Variants in APLP2 observed in about 807,000 individuals in gnomAD.
APLP2 encodes CDEI box-binding protein.
In APLP2, 53 loss-of-function variants were observed where a neutral mutation model predicts 89.9. That is an observed-to-expected ratio of 0.59 (90% confidence interval 0.47 to 0.74). APLP2 has a LOEUF of 0.74. Ranked by LOEUF, APLP2 falls within the 30% of genes least tolerant of loss-of-function variation. The probability of loss-of-function intolerance (pLI) is 0.00; values close to 1 mark genes in which losing one functional copy is unlikely to be tolerated. For synonymous variants in APLP2, 372 were observed against 348.6 expected, an observed-to-expected ratio of 1.07 and a Z score of -0.75; for missense variants, 973 against 975.9, an observed-to-expected ratio of 1.00 and a Z score of 0.04.
chr11:130,120,853 G>T, intron 4 of APLP2, 35 bp downstream of exon 4: 1 of 1,466,080 alleles, frequency 6.8e-7, no homozygotes, highest in African/African-American at 1.4e-5. Context: ...AGCTGCTGTT[G>T]TATCTGTTAG....
intron 1 of APLP2, among the ~76,000 whole-genome samples, chr11:130,088,314 C>T (rs1944417490): frequency 6.6e-6 from 1 of 152,158 alleles, no homozygotes; most frequent in Admixed American, 6.5e-5. Flanking sequence ...GGGAAGGCTG[C>T]AAGCACTGGT....
intron 1 of APLP2, among the ~76,000 whole-genome samples, chr11:130,098,990 A>T (rs796667850): frequency 1.7e-4 from 26 of 152,318 alleles, no homozygotes; most frequent in African/African-American, 6.3e-4. Context: ...TAGAAAACAT[A>T]TCCTTCTACA....
chr11:130,126,670 A>G (rs780250562), intron 7 of APLP2, 30 bp from the exon 8 acceptor site: 7 of 1,611,734 alleles, frequency 4.3e-6, no homozygotes, highest in Non-Finnish European at 5.9e-6. Flanking sequence ...TCTGATCCCA[A>G]AGAGAACTCC....
chr11:130,135,510 G>C, intron 12 of APLP2, 53 bp from the exon 13 acceptor site: 2 of 1,590,924 alleles, frequency 1.3e-6, no homozygotes, highest in Non-Finnish European at 1.7e-6. Flanking sequence ...CCTGTGCCTG[G>C]ACACCAGGCC....
rs181990407 is a variant in APLP2, at chr11:130,081,627, T to C, written c.105+11545T>C. 3.1e-3 allele frequency among the ~76,000 whole-genome samples: 469 copies of C among 152,234 alleles called. 4 individuals are homozygous for C. The highest frequency in any genetic ancestry group is 0.011 in the African/African-American group (449 of 41,530). Reference sequence around the variant, plus strand: ...ATGCTGGAAATTTTCAAGGGTGTTTTCCCCCCTAAAACACTGGAAGTAATT... The same window carrying C: ...ATGCTGGAAATTTTCAAGGGTGTTTCCCCCCCTAAAACACTGGAAGTAATT... On this transcript the variant is annotated intron_variant, in intron 1 of 16. Coordinates refer to ENST00000338167, the MANE Select transcript of APLP2 (RefSeq NM_001142276.2).
chr11:130,091,272 A>AC (rs1295690363), intron 1 of APLP2, among the ~76,000 whole-genome samples: 988 of 73,154 alleles, frequency 0.014, 2 homozygotes, highest in East Asian at 0.044. Context: ...CGGGGGGCTG[A>AC]CCCCCCCACC....
chr11:130,100,805 A>G (rs1228308634), intron 1 of APLP2, among the ~76,000 whole-genome samples: 1 of 152,224 alleles, frequency 6.6e-6, no homozygotes, highest in African/African-American at 2.4e-5. Context: ...CCCTACACCC[A>G]GTTCACCAGT....
intron 3 of APLP2, among the ~76,000 whole-genome samples, chr11:130,116,820 T>A (rs997203245): frequency 1.3e-5 from 2 of 152,140 alleles, no homozygotes; most frequent in African/African-American, 4.8e-5. Flanking sequence ...CAAAGAGTAC[T>A]GTTAAAAGAT....
chr11:130,094,593 T>A (rs1221168447), intron 1 of APLP2, among the ~76,000 whole-genome samples: 1 of 152,206 alleles, frequency 6.6e-6, no homozygotes, highest in East Asian at 1.9e-4. Context: ...GACCTCAAAT[T>A]CTGAGGGAAA....
chr11:130,125,088 G>A (rs1950220971), intron 7 of APLP2, among the ~76,000 whole-genome samples: 1 of 152,202 alleles, frequency 6.6e-6, no homozygotes, highest in African/African-American at 2.4e-5. Context: ...GCCTCTGCCT[G>A]GAGGGCTTTG....
chr11:130,096,371 G>A (rs1946211174), intron 1 of APLP2, among the ~76,000 whole-genome samples: 2 of 152,294 alleles, frequency 1.3e-5, no homozygotes, highest in South Asian at 4.1e-4. Flanking sequence ...CAGAGTGCTG[G>A]GTAGAGACTG....
chr11:130,136,970 T>C (rs1374999436), intron 13 of APLP2, among the ~76,000 whole-genome samples: 1 of 152,130 alleles, frequency 6.6e-6, no homozygotes, highest in African/African-American at 2.4e-5. Context: ...GAAAAATAAT[T>C]ATGTGGGCTA....
chr11:130,093,191 C>T (rs568297079), intron 1 of APLP2, among the ~76,000 whole-genome samples: 1 of 152,330 alleles, frequency 6.6e-6, no homozygotes, highest in Admixed American at 6.5e-5. Flanking sequence ...CGCTCTTGAC[C>T]TTGTGCATGT....
In APLP2 at chr11:130,127,167, G is replaced by A. The variant is rs1054182964; in HGVS notation, c.1221+337G>A. Reference sequence around the variant, plus strand: ...CAATAAAAAGCTAGTACCATTTGCCGTGAGAAGAAAGTGACCAACCATACA... The same window carrying A: ...CAATAAAAAGCTAGTACCATTTGCCATGAGAAGAAAGTGACCAACCATACA... On this transcript the variant is annotated intron_variant, in intron 8 of 16. Coordinates refer to ENST00000338167, the MANE Select transcript of APLP2 (RefSeq NM_001142276.2). Among the ~76,000 whole-genome samples, 4 of 150,568 alleles carry A rather than the reference G, an allele frequency of 2.7e-5. No individual in the cohort carries two copies. In the East Asian group the frequency reaches 5.9e-4, roughly 22 times the overall value.
At chr11:130,101,828 A>G (rs1331699023) in intron 1 of APLP2, 1 of 420,072 alleles carries the variant, frequency 2.4e-6, no homozygotes, top group Non-Finnish European at 4.7e-6. Flanking sequence ...TACAGACCTT[A>G]TTCAAATAAT....
intron 3 of APLP2, 78 bp from the exon 4 acceptor site, chr11:130,120,628 C>A: frequency 1.0e-6 from 1 of 1,004,152 alleles, no homozygotes; most frequent in Non-Finnish European, 1.6e-6. Context: ...TGTAGACTAT[C>A]ATCATAAACT....
intron 1 of APLP2, among the ~76,000 whole-genome samples, chr11:130,076,474 C>G (rs1401537056): frequency 1.3e-5 from 2 of 152,068 alleles, no homozygotes; most frequent in East Asian, 3.9e-4. Context: ...AAAGAAGTTA[C>G]GGTTCCCTGT....
Position 130,122,395 on chromosome 11 carries a change from G to A in APLP2, c.804G>A (p.Val268=), listed in dbSNP as rs1433026752. 3 of 1,614,178 alleles carry A rather than the reference G, an allele frequency of 1.9e-6. No homozygotes were observed. The highest frequency in any genetic ancestry group is 1.7e-5 in the Admixed American group (1 of 60,020). The change falls in exon 6 of 17, where the codon GTG becomes GTA. Residue 268 remains valine, a synonymous_variant. Coordinates refer to ENST00000338167, the MANE Select transcript of APLP2 (RefSeq NM_001142276.2). ...DEDEEEGEEV[V]EDRDYYYDTF... ...ATGAGGAAGAAGGGGAGGAAGTGGT[G>A]GAGGACCGAGATTACTACTATGACA...
chr11:130,084,233 G>A (rs182021967), intron 1 of APLP2, among the ~76,000 whole-genome samples: 3,716 of 151,132 alleles, frequency 0.025, 83 homozygotes, highest in African/African-American at 0.061. Context: ...GCGATAGAGC[G>A]AGACTCCGTC....
Sources: allele counts gnomAD v4.1 joint callset (sites outside exome capture counted in the v4.1 genomes callset), GRCh38; gene constraint gnomAD v4.1.1; transcripts MANE v1.5; gene names NCBI Gene and HGNC (gene_info 2026-07-23, HGNC 2026-07-21).